The following TNIK variants were observed in gnomAD, a reference collection of about 807,000 sequenced individuals.
TNIK encodes TRAF2 and NCK interacting kinase, also known as TRAF2 and NCK-interacting protein kinase.
A neutral mutation model predicts 191.3 loss-of-function variants in TNIK; 49 were observed. The observed-to-expected ratio is 0.26, with a 90% CI of 0.20 to 0.32. The LOEUF is 0.32. Among genes scored for constraint, TNIK ranks in the 10% least tolerant of loss-of-function variants. The probability of loss-of-function intolerance (pLI) is 1.00; values close to 1 mark genes in which losing one functional copy is unlikely to be tolerated. For synonymous variants in TNIK, 594 were observed against 600.9 expected, an observed-to-expected ratio of 0.99 and a Z score of 0.17; for missense variants, 1,155 against 1,702.3, an observed-to-expected ratio of 0.68 and a Z score of 5.66.
intron 27 of TNIK, among the ~76,000 whole-genome samples, chr3:171,081,095 A>G (rs1265383485): frequency 6.6e-6 from 1 of 152,232 alleles, no homozygotes; most frequent in African/African-American, 2.4e-5. Context: ...TTTGGCAGAT[A>G]TGCAGTTTTC....
intron 3 of TNIK, among the ~76,000 whole-genome samples, chr3:171,224,448 G>A (rs960138501): frequency 6.6e-6 from 1 of 151,506 alleles, no homozygotes; most frequent in African/African-American, 2.4e-5. Flanking sequence ...ATGAAAATGG[G>A]GATTATTTAC....
intron 12 of TNIK, among the ~76,000 whole-genome samples, chr3:171,147,820 C>T (rs571717801): frequency 9.9e-5 from 15 of 152,060 alleles, no homozygotes; most frequent in Admixed American, 7.2e-4. Context: ...TTGGTAAGTG[C>T]GAGGCCAGGA....
At chr3:171,244,107 G>A (rs1004027719) in intron 2 of TNIK, among the ~76,000 whole-genome samples, 2 of 149,438 alleles carry the variant, frequency 1.3e-5, no homozygotes, top group Non-Finnish European at 3.0e-5. Flanking sequence ...GTCGCCCGCC[G>A]GGGTGGGAAT....
chr3:171,245,611 G>A (rs961919210), intron 2 of TNIK, among the ~76,000 whole-genome samples: 8 of 150,736 alleles, frequency 5.3e-5, no homozygotes, highest in African/African-American at 1.9e-4. Flanking sequence ...TATAATCAAG[G>A]TGTTACCATT....
intron 3 of TNIK, among the ~76,000 whole-genome samples, chr3:171,213,338 G>C (rs1741076980): frequency 6.6e-6 from 1 of 152,168 alleles, no homozygotes; most frequent in South Asian, 2.1e-4. Context: ...GGGCAGCACA[G>C]CATCGACAGC....
At chr3:171,353,943 T>C (rs917389496) in intron 2 of TNIK, among the ~76,000 whole-genome samples, 2 of 152,166 alleles carry the variant, frequency 1.3e-5, no homozygotes, top group East Asian at 1.9e-4. Context: ...TTTTTGTAGA[T>C]ATCCTCTACC....
chr3:171,191,150 T>C (rs1270322165), intron 5 of TNIK, among the ~76,000 whole-genome samples: 1 of 152,208 alleles, frequency 6.6e-6, no homozygotes, highest in African/African-American at 2.4e-5. Context: ...TAGAACCATC[T>C]ACACAGTCTC....
chr3:171,415,051 A>C (rs1643340420), intron 1 of TNIK, among the ~76,000 whole-genome samples: 1 of 151,922 alleles, frequency 6.6e-6, no homozygotes, highest in Non-Finnish European at 1.5e-5. Context: ...CCCCTTCCTT[A>C]CTGCCCTCCA....
At chr3:171,252,081 CGTGT>C (rs1056985992) in intron 2 of TNIK, among the ~76,000 whole-genome samples, 1 of 150,236 alleles carries the variant, frequency 6.7e-6, no homozygotes, top group Non-Finnish European at 1.5e-5. Context: ...TGTGTGTGTG[CGTGT>C]GTGTGTGTCA....
chr3:171,096,295 C>T (rs866747821), intron 22 of TNIK, among the ~76,000 whole-genome samples: 5 of 151,860 alleles, frequency 3.3e-5, no homozygotes, highest in African/African-American at 1.2e-4. Flanking sequence ...TCAGTCCTTT[C>T]CCCCTCATAT....
intron 1 of TNIK, among the ~76,000 whole-genome samples, chr3:171,390,258 T>C (rs1719294506): frequency 6.6e-6 from 1 of 152,150 alleles, no homozygotes; most frequent in African/African-American, 2.4e-5. Context: ...GTAATTACTC[T>C]CGGTACTTTC....
intron 1 of TNIK, among the ~76,000 whole-genome samples, chr3:171,386,958 C>T (rs1026568346): frequency 3.3e-5 from 5 of 152,156 alleles, no homozygotes; most frequent in Non-Finnish European, 5.9e-5. Context: ...TATAAAATGT[C>T]CCTGCTCCTC....
rs1279892402 is a variant in TNIK at position 171,060,923 on chromosome 3, G to A, written c.*2958C>T. Reference sequence around the variant, plus strand: ...TCTAGTGAAACTTACTCTGAGGGGAGGGCTCAGTTTCTCCAGTTTCTCTTT... The same window carrying A: ...TCTAGTGAAACTTACTCTGAGGGGAAGGCTCAGTTTCTCCAGTTTCTCTTT... On this transcript the variant is annotated 3_prime_UTR_variant, in exon 33 of 33. Coordinates refer to ENST00000436636, the MANE Select transcript of TNIK (RefSeq NM_015028.4). 6.6e-6 allele frequency among the ~76,000 whole-genome samples: 1 copy of A among 152,042 alleles called. No homozygotes were observed. The highest frequency in any genetic ancestry group is 1.5e-5 in the Non-Finnish European group (1 of 68,004).
chr3:171,412,069 C>T (rs1261881218), intron 1 of TNIK, among the ~76,000 whole-genome samples: 3 of 152,194 alleles, frequency 2.0e-5, no homozygotes, highest in Non-Finnish European at 4.4e-5. Context: ...AACCATCCTA[C>T]TTGAGTTGTC....
chr3:171,243,479 A>G (rs912034899), intron 2 of TNIK, among the ~76,000 whole-genome samples: 1 of 151,856 alleles, frequency 6.6e-6, no homozygotes, highest in African/African-American at 2.4e-5. Context: ...TTGTTACACA[A>G]CTCCAAAAAG....
intron 1 of TNIK, among the ~76,000 whole-genome samples, chr3:171,382,577 C>T (rs549127993): frequency 9.3e-4 from 141 of 152,268 alleles, no homozygotes; most frequent in Middle Eastern, 3.4e-3. Context: ...CACTTCCCTA[C>T]CCCTCTTGAA....
At chr3:171,079,426 T>C in intron 28 of TNIK, 92 bp downstream of exon 28, 1 of 1,459,182 alleles carries the variant, frequency 6.9e-7, no homozygotes, top group Non-Finnish European at 9.2e-7. Context: ...ACATGCATCA[T>C]CAATCTGATA....
In TNIK at chr3:171,360,211, C is replaced by T. The variant is rs891963027; in HGVS notation, c.123+9409G>A. ...GCAGTGAGAACCTGCTAAAACCTTG[C>T]GGCTCTGAATTAATGAGAGAATGGT... On this transcript the variant is annotated intron_variant, in intron 2 of 32. Transcript: ENST00000436636. 3.9e-5 allele frequency among the ~76,000 whole-genome samples: 6 copies of T among 152,252 alleles called. No homozygotes were observed. The East Asian group carries it at 5.8e-4, about 15-fold the overall frequency.
intron 12 of TNIK, among the ~76,000 whole-genome samples, chr3:171,155,662 G>A (rs1733072611): frequency 6.6e-6 from 1 of 152,244 alleles, no homozygotes; most frequent in South Asian, 2.1e-4. Flanking sequence ...CACAAAGGAG[G>A]CCTTGGCAAT....
Sources: gnomAD v4.1 joint callset for allele counts (sites outside exome capture counted in the v4.1 genomes callset) on GRCh38, gnomAD v4.1.1 for gene constraint, MANE v1.5 for transcripts, NCBI Gene and HGNC (gene_info 2026-07-23, HGNC 2026-07-21) for gene names.